Variants in CSMD1 observed in about 807,000 individuals in gnomAD.
CSMD1 encodes CUB and sushi domain-containing protein 1.
In CSMD1, 213 loss-of-function variants were observed where a neutral mutation model predicts 417.5. The ratio of observed to expected loss-of-function variants is 0.51; its 90% CI spans 0.46 to 0.57. CSMD1 has a LOEUF of 0.57. CSMD1 is among the 20% of genes least tolerant of loss of function. CSMD1 has a pLI of 0.00. For synonymous variants in CSMD1, 2,862 were observed against 1,736.8 expected, an observed-to-expected ratio of 1.65 and a Z score of -16.11; for missense variants, 6,923 against 4,529.7, an observed-to-expected ratio of 1.53 and a Z score of -15.17.
chr8:4,726,776 G>C (rs1243811190), intron 1 of CSMD1, among the ~76,000 whole-genome samples: 1 of 152,046 alleles, frequency 6.6e-6, no homozygotes. Context: ...CTATGTTCTG[G>C]CTTGTATTAA....
rs1197562101 is a variant in CSMD1, at chr8:4,178,483, G to A, written c.416-146384C>T. Among the ~76,000 whole-genome samples the A allele has an allele frequency of 2.6e-5, 4 of 151,092 alleles. No homozygotes were observed. The South Asian group carries it at 6.4e-4, about 24-fold the overall frequency. ...ACCCACAGCCAATATCATACTGAATGGGCAAAAACTGGAAGCATTCCCTTT... is the reference window on the plus strand; with the variant it reads ...ACCCACAGCCAATATCATACTGAATAGGCAAAAACTGGAAGCATTCCCTTT... On this transcript the variant is annotated intron_variant, in intron 3 of 69. Coordinates refer to ENST00000635120, the MANE Select transcript of CSMD1 (RefSeq NM_033225.6).
intron 10 of CSMD1, among the ~76,000 whole-genome samples, chr8:3,500,641 A>C (rs1796561493): frequency 6.6e-6 from 1 of 152,206 alleles, no homozygotes; most frequent in African/African-American, 2.4e-5. Context: ...AAATCCATAA[A>C]ACTAAAGATC....
At chr8:4,073,531 G>T (rs1279584590) in intron 3 of CSMD1, among the ~76,000 whole-genome samples, 1 of 152,076 alleles carries the variant, frequency 6.6e-6, no homozygotes, top group Admixed American at 6.6e-5. Flanking sequence ...GTGTCTTAGT[G>T]CCAGATGGCA....
At chr8:3,275,069 T>TAG in intron 26 of CSMD1, among the ~76,000 whole-genome samples, 1 of 152,276 alleles carries the variant, frequency 6.6e-6, no homozygotes, top group South Asian at 2.1e-4. Context: ...CCTGGTACCT[T>TAG]TTGTTCCTTT....
chr8:3,513,397 G>A (rs1029806876), intron 10 of CSMD1, among the ~76,000 whole-genome samples: 1 of 150,556 alleles, frequency 6.6e-6, no homozygotes, highest in African/African-American at 2.4e-5. Context: ...GTGGAGTGGT[G>A]CTCACTGCAA....
intron 3 of CSMD1, among the ~76,000 whole-genome samples, chr8:4,095,175 T>G (rs1024327563): frequency 2.0e-5 from 3 of 152,180 alleles, no homozygotes; most frequent in African/African-American, 4.8e-5. Context: ...TGGGGACGGA[T>G]AGCCACAGCG....
chr8:3,996,549 G>C (rs974484724), intron 5 of CSMD1, among the ~76,000 whole-genome samples: 1 of 151,824 alleles, frequency 6.6e-6, no homozygotes, highest in Non-Finnish European at 1.5e-5. Context: ...TCCACCTCTC[G>C]GCTCAGCTTT....
rs747485594 is a variant in CSMD1, at chr8:4,488,775, G to A, written c.303-68710C>T. Among the ~76,000 whole-genome samples the A allele has an allele frequency of 1.2e-4, 18 of 151,996 alleles. 1 individual carries two copies. The highest frequency in any genetic ancestry group is 4.6e-4 in the Admixed American group (7 of 15,248). On this transcript the variant is annotated intron_variant, in intron 2 of 69. Coordinates refer to ENST00000635120, the MANE Select transcript of CSMD1 (RefSeq NM_033225.6). Reference sequence around the variant, plus strand: ...AAGTCAGCTATGACCCGCGTCCTGCGTATCCAAAAAGGAAATACTCTATGT... The same window carrying A: ...AAGTCAGCTATGACCCGCGTCCTGCATATCCAAAAAGGAAATACTCTATGT...
intron 3 of CSMD1, among the ~76,000 whole-genome samples, chr8:4,117,532 T>C (rs949093860): frequency 2.0e-5 from 3 of 152,214 alleles, no homozygotes; most frequent in Admixed American, 2.0e-4. Context: ...GGCAGCCTAT[T>C]ATAATACTCA....
chr8:4,257,376 T>C (rs985624164), intron 3 of CSMD1, among the ~76,000 whole-genome samples: 6 of 152,148 alleles, frequency 3.9e-5, no homozygotes, highest in Admixed American at 2.0e-4. Context: ...TAGAAAATTA[T>C]ATATTACCAT....
rs1387324354 is a variant in CSMD1, at chr8:3,671,481, A to G, written c.1009+36933T>C. Among the ~76,000 whole-genome samples, 6 of 122,054 alleles carry G rather than the reference A, an allele frequency of 4.9e-5. 1 individual carries two copies. The highest frequency in any genetic ancestry group is 2.6e-4 in the South Asian group (1 of 3,784). 80.1% of individuals were successfully genotyped at this position (122,054 alleles called of 152,430 possible). A position where few individuals can be genotyped will look rare whatever the true frequency, so the allele number is the denominator to read the frequency against. On this transcript the variant is annotated intron_variant, in intron 7 of 69. Coordinates refer to ENST00000635120, the MANE Select transcript of CSMD1 (RefSeq NM_033225.6). ...ATCATACACATATAATCATATATATACTCATATATATGATCATATATATAT... is the reference window on the plus strand; with the variant it reads ...ATCATACACATATAATCATATATATGCTCATATATATGATCATATATATAT...
intron 3 of CSMD1, among the ~76,000 whole-genome samples, chr8:4,224,523 T>C (rs1323661161): frequency 6.6e-6 from 1 of 152,182 alleles, no homozygotes; most frequent in Non-Finnish European, 1.5e-5. Context: ...CCTCTTCGCC[T>C]AAGTTACCCG....
chr8:4,682,322 T>G (rs1306047197), intron 1 of CSMD1, among the ~76,000 whole-genome samples: 3 of 152,190 alleles, frequency 2.0e-5, no homozygotes, highest in African/African-American at 7.2e-5. Context: ...CAAGCCACTG[T>G]GCTTAGACTG....
intron 3 of CSMD1, among the ~76,000 whole-genome samples, chr8:4,048,071 G>C (rs1798240696): frequency 1.3e-5 from 2 of 152,050 alleles, no homozygotes; most frequent in South Asian, 2.1e-4. Context: ...CAAATATTTT[G>C]TGCATTCCTA....
At chr8:4,941,220 A>G (rs567183617) in intron 1 of CSMD1, among the ~76,000 whole-genome samples, 1 of 152,342 alleles carries the variant, frequency 6.6e-6, no homozygotes, top group South Asian at 2.1e-4. Context: ...CAAAACAACA[A>G]AACATTGTAA....
chr8:3,977,733 T>C (rs889621714), intron 5 of CSMD1, among the ~76,000 whole-genome samples: 1 of 152,212 alleles, frequency 6.6e-6, no homozygotes, highest in African/African-American at 2.4e-5. Flanking sequence ...AAATATTAAT[T>C]TTGGTCTTCA....
At chr8:3,209,510 G>A (rs979090265) in intron 30 of CSMD1, among the ~76,000 whole-genome samples, 4 of 151,776 alleles carry the variant, frequency 2.6e-5, no homozygotes, top group African/African-American at 4.8e-5. Flanking sequence ...TAGTGGAAAC[G>A]GGGTTTCACC....
At chr8:3,726,105 C>G (rs1585139448) in intron 6 of CSMD1, among the ~76,000 whole-genome samples, 2 of 152,236 alleles carry the variant, frequency 1.3e-5, no homozygotes, top group Middle Eastern at 6.8e-3. Context: ...GGGAATGCCA[C>G]CTAGTAAGGG....
intron 2 of CSMD1, among the ~76,000 whole-genome samples, chr8:4,445,964 G>T (rs556083668): frequency 1.3e-5 from 2 of 152,142 alleles, no homozygotes; most frequent in African/African-American, 4.8e-5. Context: ...TGAGGTAGAC[G>T]AAAGGATAGC....
Sources: allele counts gnomAD v4.1 joint callset (sites outside exome capture counted in the v4.1 genomes callset), GRCh38; gene constraint gnomAD v4.1.1; transcripts MANE v1.5; gene names NCBI Gene and HGNC (gene_info 2026-07-23, HGNC 2026-07-21).